Variants in EPB41L2 observed in about 807,000 individuals in gnomAD.
The protein encoded by EPB41L2 is erythrocyte membrane protein band 4.1 like 2, also known as band 4.1-like protein 2.
Under a neutral mutation model 113.0 loss-of-function variants are expected in EPB41L2, and 43 were observed. That is an observed-to-expected ratio of 0.38 (90% CI 0.30 to 0.49). The LOEUF is 0.49. Among genes scored for constraint, EPB41L2 ranks in the 20% least tolerant of loss-of-function variants. EPB41L2 has a pLI of 0.95. For missense variants in EPB41L2, 1,147 were observed against 1,223.4 expected, an observed-to-expected ratio of 0.94 and a Z score of 0.93; for synonymous variants, 442 against 436.7, an observed-to-expected ratio of 1.01 and a Z score of -0.15.
At chr6:130,903,699 T>C (rs565377380) in intron 6 of EPB41L2, among the ~76,000 whole-genome samples, 2 of 152,198 alleles carry the variant, frequency 1.3e-5, no homozygotes, top group Non-Finnish European at 2.9e-5. Context: ...CAACCCTTTA[T>C]ACTTCCTCTC....
intron 1 of EPB41L2, among the ~76,000 whole-genome samples, chr6:130,973,922 C>A (rs1777516349): frequency 6.6e-6 from 1 of 152,156 alleles, no homozygotes; most frequent in African/African-American, 2.4e-5. Flanking sequence ...TCCATGTAAT[C>A]CAGAAATGTG....
At chr6:130,897,091 G>A (rs142196017) in intron 8 of EPB41L2, among the ~76,000 whole-genome samples, 1 of 152,186 alleles carries the variant, frequency 6.6e-6, no homozygotes, top group East Asian at 1.9e-4. Flanking sequence ...TAGGATAGCT[G>A]CAGATACTAT....
At chr6:131,024,523 A>G (rs979035821) in intron 1 of EPB41L2, among the ~76,000 whole-genome samples, 2 of 152,174 alleles carry the variant, frequency 1.3e-5, no homozygotes, top group African/African-American at 4.8e-5. Context: ...CCAAAGCACC[A>G]TATCAACCAC....
chr6:130,894,221 T>C (rs1297118974), intron 10 of EPB41L2, 123 bp downstream of exon 10: 1 of 713,426 alleles, frequency 1.4e-6, no homozygotes, highest in East Asian at 2.5e-5. Flanking sequence ...AGTCTCAGTA[T>C]GTTCCCCAGG....
At chr6:131,036,275 C>T (rs936489419) in intron 1 of EPB41L2, among the ~76,000 whole-genome samples, 19 of 151,978 alleles carry the variant, frequency 1.3e-4, no homozygotes, top group Admixed American at 6.6e-4. Context: ...AGTCAGGAAA[C>T]GATCCCCTAG....
chr6:130,886,480 T>C (rs1791013964), intron 11 of EPB41L2, among the ~76,000 whole-genome samples: 1 of 152,204 alleles, frequency 6.6e-6, no homozygotes, highest in African/African-American at 2.4e-5. Context: ...GCCAGTTCTT[T>C]CCATTTCTAA....
At chr6:130,957,630 T>TA (rs35062229) in intron 1 of EPB41L2, among the ~76,000 whole-genome samples, 138 of 146,954 alleles carry the variant, frequency 9.4e-4, no homozygotes, top group Middle Eastern at 3.6e-3. Flanking sequence ...CCCCATCTCT[T>TA]AAAAAAAAAA....
At chr6:130,883,290 C>T (rs1214382512) in intron 12 of EPB41L2, 1 of 152,412 alleles carries the variant, frequency 6.6e-6, no homozygotes, top group East Asian at 1.9e-4. Flanking sequence ...AAAACGTTTA[C>T]TTTAAAGGAG....
intron 1 of EPB41L2, among the ~76,000 whole-genome samples, chr6:131,047,689 T>C (rs1039637813): frequency 6.6e-6 from 1 of 152,202 alleles, no homozygotes; most frequent in Admixed American, 6.5e-5. Context: ...CAGAACCATA[T>C]ACAAACAGGT....
At chr6:130,860,715 T>C (rs933604733) in intron 18 of EPB41L2, among the ~76,000 whole-genome samples, 2 of 151,368 alleles carry the variant, frequency 1.3e-5, no homozygotes, top group Admixed American at 6.6e-5. Context: ...TTTCTATTTT[T>C]AGTAGAGACG....
intron 4 of EPB41L2, among the ~76,000 whole-genome samples, chr6:130,921,835 G>C (rs1010695844): frequency 1.3e-5 from 2 of 152,136 alleles, no homozygotes; most frequent in African/African-American, 4.8e-5. Flanking sequence ...CTCTATCACT[G>C]AATTAGATTA....
intron 19 of EPB41L2, among the ~76,000 whole-genome samples, chr6:130,854,898 C>T (rs1779749817): frequency 6.6e-6 from 1 of 152,092 alleles, no homozygotes; most frequent in Non-Finnish European, 1.5e-5. Flanking sequence ...AGGAGCCAGG[C>T]GTGGTGGTGA....
intron 1 of EPB41L2, among the ~76,000 whole-genome samples, chr6:131,046,217 G>A (rs1795439534): frequency 6.6e-6 from 1 of 151,376 alleles, no homozygotes; most frequent in Non-Finnish European, 1.5e-5. Flanking sequence ...ACTATGCCCT[G>A]GCTCTTTCCT....
intron 3 of EPB41L2, among the ~76,000 whole-genome samples, chr6:130,929,899 A>ACACACG (rs1185212269): frequency 1.0e-4 from 11 of 109,334 alleles, no homozygotes; most frequent in Admixed American, 6.6e-4. Context: ...ACACACACAT[A>ACACACG]CACGCACAGT....
intron 1 of EPB41L2, among the ~76,000 whole-genome samples, chr6:131,041,379 A>T (rs1794433612): frequency 6.6e-6 from 1 of 152,232 alleles, no homozygotes; most frequent in Admixed American, 6.5e-5. Context: ...CTTAATGGGA[A>T]ATCAAGCTTT....
intron 3 of EPB41L2, among the ~76,000 whole-genome samples, chr6:130,931,465 G>C (rs561514093): frequency 1.3e-5 from 2 of 152,112 alleles, no homozygotes; most frequent in Admixed American, 1.3e-4. Context: ...ATTCAAAAAG[G>C]CAAACAAAAT....
intron 19 of EPB41L2, among the ~76,000 whole-genome samples, chr6:130,843,788 T>G (rs1400695760): frequency 6.6e-6 from 1 of 152,216 alleles, no homozygotes; most frequent in African/African-American, 2.4e-5. Flanking sequence ...GTGGCTCAAT[T>G]TCATCTAATC....
intron 8 of EPB41L2, among the ~76,000 whole-genome samples, chr6:130,898,969 C>A (rs1214266423): frequency 6.6e-6 from 1 of 152,090 alleles, no homozygotes; most frequent in African/African-American, 2.4e-5. Context: ...GCTTTATCAC[C>A]CAGAGCCTGG....
chr6:130,974,063 C>T (rs887254384), intron 1 of EPB41L2, among the ~76,000 whole-genome samples: 2 of 152,130 alleles, frequency 1.3e-5, no homozygotes, highest in East Asian at 3.9e-4. Context: ...TCTCCTACTG[C>T]TATAAACTGA....
Sources: gnomAD v4.1 joint callset for allele counts (sites outside exome capture counted in the v4.1 genomes callset) on GRCh38, gnomAD v4.1.1 for gene constraint, MANE v1.5 for transcripts, NCBI Gene and HGNC (gene_info 2026-07-23, HGNC 2026-07-21) for gene names.